Variants in ADAMTS19 observed in about 807,000 individuals in gnomAD.
ADAMTS19 encodes the protein ADAM metallopeptidase with thrombospondin type 1 motif 19.
In ADAMTS19, 93 loss-of-function variants were observed where a neutral mutation model predicts 153.3. That is an observed-to-expected ratio of 0.61 (90% CI 0.51 to 0.72). The LOEUF (loss-of-function observed/expected upper bound fraction) is 0.72. Ranked by LOEUF, ADAMTS19 falls within the 30% of genes least tolerant of loss-of-function variation. The pLI is 0.00. For missense variants in ADAMTS19, 1,482 were observed against 1,552.1 expected, an observed-to-expected ratio of 0.95 and a Z score of 0.76; for synonymous variants, 600 against 556.6, an observed-to-expected ratio of 1.08 and a Z score of -1.10.
chr5:129,620,078 A>G (rs986935074), intron 8 of ADAMTS19, among the ~76,000 whole-genome samples: 14 of 152,164 alleles, frequency 9.2e-5, no homozygotes, highest in Admixed American at 7.2e-4. Context: ...TAGAATTTCA[A>G]CAGATTCAGG....
At chr5:129,562,849 A>G (rs78827437) in intron 7 of ADAMTS19, among the ~76,000 whole-genome samples, 3,610 of 152,094 alleles carry the variant, frequency 0.024, 116 homozygotes, top group African/African-American at 0.078. Context: ...CAGGCATTCT[A>G]TGGAAACTTA....
intron 3 of ADAMTS19, among the ~76,000 whole-genome samples, chr5:129,520,565 A>C (rs1037362420): frequency 2.0e-5 from 3 of 152,044 alleles, no homozygotes; most frequent in African/African-American, 7.3e-5. Flanking sequence ...CTTGAGGAAG[A>C]ATTTGTTTCC....
At chr5:129,699,503 A>G (rs978085759) in intron 19 of ADAMTS19, among the ~76,000 whole-genome samples, 10 of 152,188 alleles carry the variant, frequency 6.6e-5, no homozygotes, top group Admixed American at 1.3e-4. Flanking sequence ...AAAACAAAAC[A>G]TTGATACATG....
At chr5:129,512,752 G>T (rs1751481634) in intron 3 of ADAMTS19, among the ~76,000 whole-genome samples, 1 of 151,892 alleles carries the variant, frequency 6.6e-6, no homozygotes, top group African/African-American at 2.4e-5. Context: ...ACCACTCTTG[G>T]TACAGATAAA....
In ADAMTS19 at chr5:129,461,210, G is replaced by C; in HGVS notation, c.200G>C (p.Gly67Ala). 4 of 1,290,004 alleles carry C rather than the reference G, an allele frequency of 3.1e-6. No individual in the cohort carries two copies. The highest frequency in any genetic ancestry group is 3.9e-6 in the Non-Finnish European group (4 of 1,024,890). 79.9% of individuals were successfully genotyped at this position (1,290,004 alleles called of 1,614,324 possible). ...AGGSGGSADPGWVRGVGGGGS... is the reference protein window; with the variant it reads ...AGGSGGSADPAWVRGVGGGGS... ...GGCAGCGGGGGCAGCGCGGACCCGG[G>C]CTGGGTGCGCGGCGTTGGGGGCGGC... is the stretch of plus-strand genomic sequence containing the variant. Residue 67 changes from glycine to alanine, a missense_variant, in exon 2 of 23, where the codon GGC (glycine) becomes GCC (alanine). By Grantham distance (60) the Gly-to-Ala change is moderately conservative (BLOSUM62 0). Coordinates refer to ENST00000274487, the MANE Select transcript of ADAMTS19 (RefSeq NM_133638.6). This position sits in a 1 kb window ranked among gnomAD's most constrained non-coding sequence, Gnocchi z 4.6.
intron 8 of ADAMTS19, among the ~76,000 whole-genome samples, chr5:129,619,699 A>C (rs1227497060): frequency 6.6e-6 from 1 of 151,980 alleles, no homozygotes. Flanking sequence ...AATACCATAA[A>C]AATTCAAGAC....
intron 2 of ADAMTS19, among the ~76,000 whole-genome samples, chr5:129,468,978 T>C (rs1230673779): frequency 6.6e-6 from 1 of 152,022 alleles, no homozygotes; most frequent in African/African-American, 2.4e-5. Flanking sequence ...GGTTTTGCCA[T>C]GTTGGCCAGG....
At chr5:129,599,996 T>C (rs749149131) in intron 8 of ADAMTS19, among the ~76,000 whole-genome samples, 2 of 152,138 alleles carry the variant, frequency 1.3e-5, no homozygotes, top group South Asian at 2.1e-4. Flanking sequence ...GTCAGAATAA[T>C]GTCATGTTTA....
chr5:129,534,839 T>A (rs1476805953), intron 6 of ADAMTS19, among the ~76,000 whole-genome samples: 2 of 152,152 alleles, frequency 1.3e-5, no homozygotes, highest in East Asian at 3.9e-4. Context: ...ATTATCTCAA[T>A]AGATGCAGAA....
At chr5:129,730,817 C>T (rs999612030) in intron 21 of ADAMTS19, among the ~76,000 whole-genome samples, 1 of 152,042 alleles carries the variant, frequency 6.6e-6, no homozygotes, top group African/African-American at 2.4e-5. Context: ...AGTGTACACT[C>T]AACATATGAA....
chr5:129,693,889 C>G (rs1258535054), intron 18 of ADAMTS19, among the ~76,000 whole-genome samples: 1 of 152,036 alleles, frequency 6.6e-6, no homozygotes, highest in Non-Finnish European at 1.5e-5. Context: ...GTAAAGATTT[C>G]TAGAATTCTT....
intron 16 of ADAMTS19, among the ~76,000 whole-genome samples, chr5:129,674,354 G>A (rs545780270): frequency 6.9e-4 from 105 of 151,518 alleles, no homozygotes; most frequent in Admixed American, 1.6e-3. Flanking sequence ...GAGATTTTTC[G>A]TTTTCTTTAG....
At position 129,692,782 on chromosome 5, in the gene ADAMTS19, C is replaced by A. The variant is rs529695326; in HGVS notation, c.2819-1938C>A. Among the ~76,000 whole-genome samples, 15 of 152,244 alleles carry A rather than the reference C, an allele frequency of 9.9e-5. No individual in the cohort carries two copies. The South Asian group carries it at 1.7e-3, about 17-fold the overall frequency. On this transcript the variant is annotated intron_variant, in intron 18 of 22. Transcript: ENST00000274487. ...ATTTTTTCCTAATCCACTTTTTAAC[C>A]TGTGGTTGGATGCCATCTCAAGGCC...
intron 10 of ADAMTS19, among the ~76,000 whole-genome samples, chr5:129,638,105 A>C (rs533304901): frequency 4.6e-4 from 70 of 152,230 alleles, no homozygotes; most frequent in African/African-American, 1.7e-3. Context: ...CATATGTACC[A>C]CTAATCCTAA....
At chr5:129,607,435 A>G (rs528196363) in intron 8 of ADAMTS19, among the ~76,000 whole-genome samples, 2 of 152,306 alleles carry the variant, frequency 1.3e-5, no homozygotes, top group South Asian at 4.1e-4. Context: ...ATGTTGTACA[A>G]GTGAATAAAC....
chr5:129,658,325 GAA>G (rs759801411), intron 14 of ADAMTS19, among the ~76,000 whole-genome samples: 1 of 107,302 alleles, frequency 9.3e-6, no homozygotes, highest in African/African-American at 3.6e-5. Flanking sequence ...AAGAAAGAAA[GAA>G]AGAAAGAAAG....
chr5:129,733,972 T>C (rs1038870169), intron 21 of ADAMTS19, among the ~76,000 whole-genome samples: 3 of 149,672 alleles, frequency 2.0e-5, no homozygotes, highest in African/African-American at 7.4e-5. Context: ...TGTGTGTGTG[T>C]GTGTGTGTGT....
At chr5:129,605,769 G>A (rs1750863078) in intron 8 of ADAMTS19, among the ~76,000 whole-genome samples, 1 of 152,072 alleles carries the variant, frequency 6.6e-6, no homozygotes, top group Admixed American at 6.6e-5. Context: ...TTTTACATTT[G>A]TACAAGTTGA....
At chr5:129,670,711 C>T (rs1754264463) in intron 16 of ADAMTS19, among the ~76,000 whole-genome samples, 1 of 152,048 alleles carries the variant, frequency 6.6e-6, no homozygotes, top group African/African-American at 2.4e-5. Context: ...TCTTTTTCCC[C>T]CTTTTAAACC....
Sources: gnomAD v4.1 joint callset for allele counts (sites outside exome capture counted in the v4.1 genomes callset) on GRCh38, gnomAD v4.1.1 for gene constraint, Gnocchi (gnomAD v3.1) non-coding constraint, MANE v1.5 for transcripts, NCBI Gene and HGNC (gene_info 2026-07-23, HGNC 2026-07-21) for gene names.